The following SNX10 variants were observed in gnomAD, a reference collection of about 807,000 sequenced individuals.
SNX10 encodes sorting nexin-10.
SNX10 carries 25 observed loss-of-function variants against 28.5 expected under a neutral mutation model. That is an observed-to-expected ratio of 0.88 (90% CI 0.64 to 1.22). The LOEUF is 1.22. Among genes scored for constraint, SNX10 ranks in the 50% most tolerant of loss-of-function variants. The probability of loss-of-function intolerance (pLI) is 0.00; values close to 1 mark genes in which losing one functional copy is unlikely to be tolerated. For synonymous variants in SNX10, 62 were observed against 81.4 expected (o/e 0.76, Z 1.28); for missense variants, 223 against 242.6 (o/e 0.92, Z 0.54).
chr7:26,348,000 G>C (rs1197700144), intron 2 of SNX10, among the ~76,000 whole-genome samples: 11 of 152,070 alleles, frequency 7.2e-5, no homozygotes, highest in Admixed American at 7.2e-4. Context: ...GATTGGTCTC[G>C]AACTTCTGGC....
At chr7:26,330,263 A>T (rs1341772821) in intron 1 of SNX10, among the ~76,000 whole-genome samples, 1 of 152,140 alleles carries the variant, frequency 6.6e-6, no homozygotes, top group Non-Finnish European at 1.5e-5. Context: ...AGCCACAGGC[A>T]TGAGGAGCAG....
intron 5 of SNX10, among the ~76,000 whole-genome samples, chr7:26,365,828 A>C (rs1396859146): frequency 7.3e-6 from 1 of 137,920 alleles, no homozygotes; most frequent in East Asian, 2.1e-4. Context: ...ACCTGAGTTC[A>C]GATCCTCGCT....
intron 1 of SNX10, among the ~76,000 whole-genome samples, chr7:26,339,110 A>G (rs988311153): frequency 3.9e-5 from 6 of 152,172 alleles, no homozygotes; most frequent in Non-Finnish European, 5.9e-5. Flanking sequence ...AAGGGCTGTT[A>G]CCAGTTTTGT....
chr7:26,329,072 C>A (rs1787621376), intron 1 of SNX10, among the ~76,000 whole-genome samples: 1 of 152,208 alleles, frequency 6.6e-6, no homozygotes, highest in Admixed American at 6.5e-5. Context: ...CCACACCCAG[C>A]AGCCAGAGGG....
At chr7:26,323,532 G>C (rs190065003) in intron 1 of SNX10, among the ~76,000 whole-genome samples, 5 of 152,294 alleles carry the variant, frequency 3.3e-5, no homozygotes, top group Non-Finnish European at 5.9e-5. Context: ...GAGAGGAAGA[G>C]AGTGGAAGGA....
intron 1 of SNX10, among the ~76,000 whole-genome samples, chr7:26,317,850 A>G (rs1787151929): frequency 1.3e-5 from 2 of 151,896 alleles, no homozygotes; most frequent in Non-Finnish European, 2.9e-5. Context: ...TTTAGTAGAG[A>G]TGGGGTTTCA....
At chr7:26,325,305 A>AT (rs1352514571) in intron 1 of SNX10, among the ~76,000 whole-genome samples, 1,682 of 68,386 alleles carry the variant, frequency 0.025, 48 homozygotes, top group Non-Finnish European at 0.033. Flanking sequence ...GAAGTTTGCA[A>AT]AATATATATA....
intron 1 of SNX10, among the ~76,000 whole-genome samples, chr7:26,330,583 G>A (rs1396563282): frequency 1.3e-5 from 2 of 152,166 alleles, no homozygotes; most frequent in African/African-American, 2.4e-5. Flanking sequence ...AGGGTTAGAA[G>A]AGGAGAGGGC....
chr7:26,353,166 C>CA (rs1363409915), intron 2 of SNX10, among the ~76,000 whole-genome samples: 1 of 152,072 alleles, frequency 6.6e-6, no homozygotes. Flanking sequence ...AAAAGCTTCT[C>CA]AAAAAATCAT....
intron 2 of SNX10, among the ~76,000 whole-genome samples, chr7:26,348,272 C>T (rs933322271): frequency 1.3e-5 from 2 of 152,150 alleles, no homozygotes; most frequent in Non-Finnish European, 2.9e-5. Flanking sequence ...GACCAAGCTG[C>T]TTGTTCCGGG....
intron 1 of SNX10, among the ~76,000 whole-genome samples, chr7:26,325,306 A>AATATATATATATATATAT (rs149785859): frequency 0.062 from 3,151 of 51,216 alleles, 629 homozygotes; most frequent in Middle Eastern, 0.14. Context: ...AAGTTTGCAA[A>AATATATATATATATATAT]ATATATATAT....
chr7:26,372,018 A>C lies in SNX10; in HGVS notation c.509A>C (p.Asp170Ala). 3 of 1,601,540 alleles carry C rather than the reference A, an allele frequency of 1.9e-6. No homozygotes were observed. The highest frequency in any genetic ancestry group is 2.6e-6 in the Non-Finnish European group (3 of 1,169,444). Residue 170 changes from aspartate (D) to alanine (A), a missense_variant, in exon 6 of 7, where the codon GAT becomes GCT. By Grantham distance (126) the Asp-to-Ala change is moderately radical (BLOSUM62 -2). Transcript: ENST00000338523. ...DEEGKKENDI[D>A]YDSESSSSGL... is the part of the protein sequence containing the mutation. ...GAAGGAAAAAAAGAAAATGATATAG[A>C]TTATGATTCAGAAAGGTATTTCCTT...
intron 1 of SNX10, among the ~76,000 whole-genome samples, chr7:26,302,522 C>T (rs1335601366): frequency 6.6e-6 from 1 of 152,242 alleles, no homozygotes; most frequent in Non-Finnish European, 1.5e-5. Context: ...TACAGCTTCT[C>T]TCTTAAGCAC....
intron 1 of SNX10, among the ~76,000 whole-genome samples, chr7:26,312,308 G>T (rs1236531034): frequency 6.6e-6 from 1 of 152,102 alleles, no homozygotes; most frequent in Non-Finnish European, 1.5e-5. Context: ...CTAATAAAAA[G>T]TATTGGCATA....
At chr7:26,349,851 C>G (rs1254920966) in intron 2 of SNX10, among the ~76,000 whole-genome samples, 1 of 152,234 alleles carries the variant, frequency 6.6e-6, no homozygotes, top group African/African-American at 2.4e-5. Flanking sequence ...CTTGCCTCAG[C>G]CTTGCTGAAC....
intron 1 of SNX10, among the ~76,000 whole-genome samples, chr7:26,335,442 A>G (rs1787889881): frequency 1.3e-5 from 2 of 152,144 alleles, no homozygotes; most frequent in South Asian, 4.1e-4. Context: ...TTTTTGTGCC[A>G]GGCTGTGCCC....
chr7:26,363,457 T>C (rs1162702986), intron 3 of SNX10, among the ~76,000 whole-genome samples: 1 of 152,192 alleles, frequency 6.6e-6, no homozygotes, highest in Non-Finnish European at 1.5e-5. Flanking sequence ...GGGTAAAGAA[T>C]TGTTTCTCAT....
At chr7:26,303,030 G>A (rs1382287635) in intron 1 of SNX10, among the ~76,000 whole-genome samples, 1 of 152,162 alleles carries the variant, frequency 6.6e-6, no homozygotes, top group African/African-American at 2.4e-5. Context: ...CTAAAGGAAG[G>A]GAGATCAGAG....
intron 1 of SNX10, among the ~76,000 whole-genome samples, chr7:26,306,165 A>G (rs1229946397): frequency 6.6e-6 from 1 of 151,942 alleles, no homozygotes; most frequent in Non-Finnish European, 1.5e-5. Context: ...TGGCCTCCCA[A>G]AGTGCTGGGA....
Sources: allele counts gnomAD v4.1 joint callset (sites outside exome capture counted in the v4.1 genomes callset), GRCh38; gene constraint gnomAD v4.1.1; transcripts MANE v1.5; gene names NCBI Gene and HGNC (gene_info 2026-07-23, HGNC 2026-07-21).